The following GAS2L3 variants were observed in gnomAD, a reference collection of about 807,000 sequenced individuals.
GAS2L3 encodes GAS2-like protein 3.
In GAS2L3, 28 loss-of-function variants were observed where a neutral mutation model predicts 37.0. The ratio of observed to expected loss-of-function variants is 0.76; its 90% CI spans 0.56 to 1.04. The LOEUF (loss-of-function observed/expected upper bound fraction) is 1.04. Among genes scored for constraint, GAS2L3 ranks in the 50% least tolerant of loss-of-function variants. The pLI, the probability that GAS2L3 is intolerant of heterozygous loss-of-function variation, is 0.00. For missense variants in GAS2L3, 793 were observed against 817.6 expected, an observed-to-expected ratio of 0.97 and a Z score of 0.37; for synonymous variants, 290 against 296.6, an observed-to-expected ratio of 0.98 and a Z score of 0.23.
chr12:100,603,077 G>T (rs866972614), intron 5 of GAS2L3, among the ~76,000 whole-genome samples: 4 of 152,058 alleles, frequency 2.6e-5, no homozygotes, highest in Admixed American at 2.6e-4. Context: ...CCAAATCTTG[G>T]TTATTGAGAA....
intron 1 of GAS2L3, among the ~76,000 whole-genome samples, chr12:100,591,172 G>A (rs989826839): frequency 1.7e-4 from 26 of 152,094 alleles, no homozygotes; most frequent in South Asian, 4.2e-4. Flanking sequence ...AACCCCATAA[G>A]GGCAGAAACA....
At position 100,624,973 on chromosome 12, in the gene GAS2L3, G is replaced by A; in HGVS notation, c.*83G>A. On this transcript the variant is annotated 3_prime_UTR_variant, in exon 10 of 10. Transcript: ENST00000547754. ...TTAAAAGTTTCTCCTATTTGTGTCTGTCTAAATAGGTGCAGACACTAAGGA... is the reference window on the plus strand; with the variant it reads ...TTAAAAGTTTCTCCTATTTGTGTCTATCTAAATAGGTGCAGACACTAAGGA... The A allele has an allele frequency of 9.4e-7, 1 of 1,061,858 alleles. No individual in the cohort carries two copies. The highest frequency in any genetic ancestry group is 1.6e-5 in the African/African-American group (1 of 62,786). The allele number at this position is 1,061,858 out of a possible 1,614,324, so 65.8% of individuals were successfully genotyped here.
chr12:100,606,970 G>A (rs537003865), intron 5 of GAS2L3, among the ~76,000 whole-genome samples: 3 of 152,098 alleles, frequency 2.0e-5, no homozygotes, highest in Admixed American at 6.5e-5. Context: ...AGTGAATTTT[G>A]TACCTTCAGA....
intron 5 of GAS2L3, among the ~76,000 whole-genome samples, chr12:100,609,973 C>G (rs990859209): frequency 2.0e-5 from 3 of 152,180 alleles, no homozygotes; most frequent in African/African-American, 7.2e-5. Flanking sequence ...TCTTCAATGT[C>G]TCTCTCAGTG....
At chr12:100,594,948 T>C (rs758169144) in intron 3 of GAS2L3, 26 bp downstream of exon 3, 37 of 1,113,110 alleles carry the variant, frequency 3.3e-5, no homozygotes, top group Non-Finnish European at 4.5e-5. Context: ...GGAAACAATA[T>C]TTAAATTATG....
intron 1 of GAS2L3, among the ~76,000 whole-genome samples, chr12:100,585,982 T>C (rs899623478): frequency 6.6e-6 from 1 of 152,204 alleles, no homozygotes; most frequent in Admixed American, 6.5e-5. Context: ...TTTTCCCCCT[T>C]TTCTCTGTTA....
chr12:100,593,822 G>C (rs1955876810), intron 2 of GAS2L3: 1 of 152,062 alleles, frequency 6.6e-6, no homozygotes, highest in Non-Finnish European at 1.5e-5. Flanking sequence ...GCCTTTTGCT[G>C]TGGTGGAGAG....
At chr12:100,602,920 T>A (rs2136478579) in intron 5 of GAS2L3, among the ~76,000 whole-genome samples, 1 of 152,272 alleles carries the variant, frequency 6.6e-6, no homozygotes, top group South Asian at 2.1e-4. Context: ...CCTGATGTAT[T>A]TCACTTAACA....
chr12:100,578,498 G>A (rs369528872), intron 1 of GAS2L3: 4 of 157,590 alleles, frequency 2.5e-5, no homozygotes, highest in African/African-American at 7.2e-5. Context: ...TTATATAGCT[G>A]GTGCTCTTTT....
At chr12:100,618,792 T>C in intron 8 of GAS2L3, 1 of 471,644 alleles carries the variant, frequency 2.1e-6, no homozygotes, top group Non-Finnish European at 3.6e-6. Context: ...TGATGAGGAA[T>C]AAATGTGTAG....
intron 8 of GAS2L3, among the ~76,000 whole-genome samples, chr12:100,621,652 C>T (rs1202923400): frequency 6.6e-6 from 1 of 151,838 alleles, no homozygotes; most frequent in African/African-American, 2.4e-5. Context: ...CTAGATATTT[C>T]CCCCAAAATA....
chr12:100,613,794 C>T (rs1265157102), intron 6 of GAS2L3, among the ~76,000 whole-genome samples: 1 of 152,006 alleles, frequency 6.6e-6, no homozygotes, highest in Admixed American at 6.6e-5. Context: ...CTGGGTTACA[C>T]CATGTTAGCC....
At chr12:100,602,728 A>T (rs1193265495) in intron 5 of GAS2L3, among the ~76,000 whole-genome samples, 1 of 152,070 alleles carries the variant, frequency 6.6e-6, no homozygotes, top group Non-Finnish European at 1.5e-5. Flanking sequence ...ATCAAATACT[A>T]GGTCTTATTA....
intron 6 of GAS2L3, among the ~76,000 whole-genome samples, chr12:100,614,568 A>G (rs561797294): frequency 6.6e-6 from 1 of 152,322 alleles, no homozygotes; most frequent in East Asian, 1.9e-4. Flanking sequence ...AAAATTCACA[A>G]TTTTAAAATG....
At chr12:100,602,633 T>A (rs1956006108) in intron 5 of GAS2L3, among the ~76,000 whole-genome samples, 1 of 152,180 alleles carries the variant, frequency 6.6e-6, no homozygotes. Context: ...TTATTCTTTG[T>A]GTTACAAGCC....
At chr12:100,609,849 AG>A (rs966602318) in intron 5 of GAS2L3, among the ~76,000 whole-genome samples, 3 of 152,138 alleles carry the variant, frequency 2.0e-5, no homozygotes, top group Admixed American at 2.0e-4. Context: ...TTCAATGTAA[AG>A]CCTCAAAATC....
At chr12:100,573,838 T>A (rs375380530) in intron 1 of GAS2L3, 53 bp downstream of exon 1, 28 of 152,506 alleles carry the variant, frequency 1.8e-4, no homozygotes, top group African/African-American at 6.5e-4. Context: ...TTACGCGCTG[T>A]CTCGGGGCCT....
chr12:100,581,913 C>T (rs1208601938), intron 1 of GAS2L3, among the ~76,000 whole-genome samples: 1 of 152,132 alleles, frequency 6.6e-6, no homozygotes, highest in Non-Finnish European at 1.5e-5. Context: ...AAGTTAGTTG[C>T]CTTTGCATGT....
intron 1 of GAS2L3, among the ~76,000 whole-genome samples, chr12:100,583,237 C>G (rs1048864762): frequency 6.6e-6 from 1 of 152,330 alleles, no homozygotes; most frequent in African/African-American, 2.4e-5. Context: ...ACCTCAAGAG[C>G]CTTAATTAAT....
Sources: allele counts gnomAD v4.1 joint callset (sites outside exome capture counted in the v4.1 genomes callset), GRCh38; gene constraint gnomAD v4.1.1; transcripts MANE v1.5; gene names NCBI Gene and HGNC (gene_info 2026-07-23, HGNC 2026-07-21).